Variants in CALN1 observed in about 807,000 individuals in gnomAD.
The protein encoded by CALN1 is calcium-binding protein 8.
A neutral mutation model predicts 30.6 loss-of-function variants in CALN1; 17 were observed. The observed-to-expected ratio is 0.56, with a 90% CI of 0.38 to 0.83. CALN1 has a LOEUF of 0.83. CALN1 is among the 40% of genes least tolerant of loss of function. The pLI is 0.00. For synonymous variants in CALN1, 156 were observed against 131.4 expected (o/e 1.19, Z -1.28); for missense variants, 291 against 354.9 (o/e 0.82, Z 1.45).
At chr7:72,404,678 C>T (rs1806581641) in intron 1 of CALN1, among the ~76,000 whole-genome samples, 1 of 152,144 alleles carries the variant, frequency 6.6e-6, no homozygotes, top group Admixed American at 6.5e-5. Context: ...TCTACTCTCT[C>T]GATTCTGGTG....
the CALN1 span, among the ~76,000 whole-genome samples, chr7:72,471,459 ACT>A: frequency 6.6e-6 from 1 of 151,880 alleles, no homozygotes. Flanking sequence ...GGGGGAACAC[ACT>A]CTCTCTGTCA....
At chr7:72,031,843 G>A (rs1801463868) in intron 4 of CALN1, among the ~76,000 whole-genome samples, 1 of 149,852 alleles carries the variant, frequency 6.7e-6, no homozygotes, top group Non-Finnish European at 1.5e-5. Flanking sequence ...CCGGGTTCAA[G>A]TGATTCTCCT....
chr7:72,357,647 C>G (rs1243276395), intron 2 of CALN1, among the ~76,000 whole-genome samples: 1 of 151,434 alleles, frequency 6.6e-6, no homozygotes, highest in Admixed American at 6.6e-5. Context: ...GCCCAGACAA[C>G]AGTAGTTGAA....
chr7:72,158,128 C>T (rs1404610768), intron 3 of CALN1, among the ~76,000 whole-genome samples: 1 of 152,128 alleles, frequency 6.6e-6, no homozygotes, highest in Non-Finnish European at 1.5e-5. Context: ...TAGTAAGTAC[C>T]TTTGATGTGA....
chr7:72,274,666 G>T (rs1797224461), intron 3 of CALN1, among the ~76,000 whole-genome samples: 1 of 152,066 alleles, frequency 6.6e-6, no homozygotes, highest in Non-Finnish European at 1.5e-5. Context: ...TAAACTTCCT[G>T]GATAGACGTA....
At chr7:72,461,440 T>C in the CALN1 span, among the ~76,000 whole-genome samples, 1 of 152,106 alleles carries the variant, frequency 6.6e-6, no homozygotes, top group Non-Finnish European at 1.5e-5. Context: ...ATAAAGAAAA[T>C]GTGGTATAAA....
intron 2 of CALN1, chr7:72,336,583 C>G (rs1802055328): frequency 1.6e-6 from 1 of 613,504 alleles, no homozygotes; most frequent in African/African-American, 2.0e-5. Flanking sequence ...TCTGCCCACT[C>G]TGAGCACCAG....
chr7:72,310,556 T>TGCTG (rs1799967648), intron 2 of CALN1, among the ~76,000 whole-genome samples: 1 of 151,884 alleles, frequency 6.6e-6, no homozygotes, highest in South Asian at 2.1e-4. Context: ...CTCAGCCATG[T>TGCTG]GCTGGCATGG....
intron 3 of CALN1, among the ~76,000 whole-genome samples, chr7:72,178,087 A>G (rs368752715): frequency 1.5e-4 from 23 of 152,320 alleles, no homozygotes; most frequent in African/African-American, 5.5e-4. Context: ...GTTTGCATTC[A>G]ACTCAAATCA....
chr7:71,963,291 T>C (rs1217466918), intron 5 of CALN1, among the ~76,000 whole-genome samples: 1 of 152,018 alleles, frequency 6.6e-6, no homozygotes, highest in Non-Finnish European at 1.5e-5. Context: ...GCCTCCAGAG[T>C]AGCTGGGATT....
intron 3 of CALN1, among the ~76,000 whole-genome samples, chr7:72,183,456 G>A (rs774257025): frequency 2.6e-5 from 4 of 152,142 alleles, no homozygotes; most frequent in Non-Finnish European, 5.9e-5. Context: ...AAAAAAGGAG[G>A]CAGAAATTCA....
intron 2 of CALN1, among the ~76,000 whole-genome samples, chr7:72,392,833 A>AT (rs892793186): frequency 5.7e-5 from 6 of 105,294 alleles, no homozygotes; most frequent in African/African-American, 2.4e-4. Flanking sequence ...ACCCTGTTTC[A>AT]TTAAAAAAAA....
At chr7:71,938,571 C>A (rs746218805) in intron 5 of CALN1, among the ~76,000 whole-genome samples, 1 of 151,840 alleles carries the variant, frequency 6.6e-6, no homozygotes, top group African/African-American at 2.4e-5. Context: ...CTGAGGTGGG[C>A]AGATCACGAG....
intron 4 of CALN1, among the ~76,000 whole-genome samples, chr7:72,077,147 A>G (rs1483580952): frequency 6.6e-6 from 1 of 152,252 alleles, no homozygotes. Flanking sequence ...TGCATGTAAC[A>G]AAACATCACC....
chr7:72,194,459 G>A (rs1337244612), intron 3 of CALN1, among the ~76,000 whole-genome samples: 2 of 152,160 alleles, frequency 1.3e-5, no homozygotes, highest in Non-Finnish European at 2.9e-5. Context: ...TAGCCTGGGA[G>A]AGGGAGGTTG....
At chr7:72,291,391 G>A (rs1049886888) in intron 2 of CALN1, among the ~76,000 whole-genome samples, 2 of 152,168 alleles carry the variant, frequency 1.3e-5, no homozygotes, top group African/African-American at 4.8e-5. Flanking sequence ...AGCAGCCTTT[G>A]CAACAGGTGA....
intron 2 of CALN1, among the ~76,000 whole-genome samples, chr7:72,302,983 G>A (rs1234761228): frequency 6.6e-6 from 1 of 150,554 alleles, no homozygotes; most frequent in Non-Finnish European, 1.5e-5. Context: ...TGAGGCAGAA[G>A]GATCCCTTGA....
At chr7:72,109,448 C>T (rs1181886669) in intron 3 of CALN1, among the ~76,000 whole-genome samples, 1 of 152,170 alleles carries the variant, frequency 6.6e-6, no homozygotes, top group East Asian at 1.9e-4. Context: ...TGTTCTCTTA[C>T]ACACCCTATT....
chr7:71,801,985 A>AG (rs1456656530), intron 6 of CALN1, among the ~76,000 whole-genome samples: 3 of 152,104 alleles, frequency 2.0e-5, no homozygotes, highest in Non-Finnish European at 2.9e-5. Context: ...CCAAAAAAAA[A>AG]AAGAAAAAAT....
Sources: allele counts gnomAD v4.1 joint callset (sites outside exome capture counted in the v4.1 genomes callset), GRCh38; gene constraint gnomAD v4.1.1; transcripts MANE v1.5; gene names NCBI Gene and HGNC (gene_info 2026-07-23, HGNC 2026-07-21).